The following PTPRD variants were observed in gnomAD, a reference collection of about 807,000 sequenced individuals.
The protein encoded by PTPRD is receptor-type tyrosine-protein phosphatase delta.
Under a neutral mutation model 214.5 loss-of-function variants are expected in PTPRD, and 34 were observed. The observed-to-expected ratio is 0.16, with a 90% CI of 0.12 to 0.21. The LOEUF is 0.21. PTPRD is among the 10% of genes least tolerant of loss of function. PTPRD has a pLI of 1.00. For missense variants in PTPRD, 2,545 were observed against 2,398.7 expected (o/e 1.06, Z -1.27); for synonymous variants, 1,128 against 845.7 (o/e 1.33, Z -5.79).
intron 14 of PTPRD, among the ~76,000 whole-genome samples, chr9:8,606,566 G>A (rs936354662): frequency 3.9e-5 from 6 of 152,070 alleles, no homozygotes; most frequent in African/African-American, 1.2e-4. Context: ...TTGAAGGAGG[G>A]AAACCAACCC....
intron 9 of PTPRD, among the ~76,000 whole-genome samples, chr9:9,380,171 T>A (rs927506429): frequency 2.6e-5 from 4 of 152,046 alleles, no homozygotes; most frequent in Admixed American, 2.0e-4. Flanking sequence ...ACTGAAGAAC[T>A]CTCCCTATAT....
intron 2 of PTPRD, among the ~76,000 whole-genome samples, chr9:10,491,594 C>A (rs2040259299): frequency 1.3e-5 from 2 of 151,818 alleles, no homozygotes; most frequent in East Asian, 1.9e-4. Flanking sequence ...AATATTTCCA[C>A]ATAGATGATT....
chr9:10,083,106 T>G (rs2098270593), intron 3 of PTPRD, among the ~76,000 whole-genome samples: 1 of 152,028 alleles, frequency 6.6e-6, no homozygotes, highest in African/African-American at 2.4e-5. Flanking sequence ...TCTTTATTTA[T>G]GATGATATTC....
chr9:9,712,660 A>G (rs1218671688), intron 7 of PTPRD, among the ~76,000 whole-genome samples: 3 of 152,184 alleles, frequency 2.0e-5, no homozygotes, highest in Non-Finnish European at 4.4e-5. Flanking sequence ...TTCAGAAACT[A>G]CAATGGATTA....
chr9:9,639,922 A>C (rs892686073), intron 7 of PTPRD, among the ~76,000 whole-genome samples: 2 of 152,238 alleles, frequency 1.3e-5, no homozygotes. Flanking sequence ...AGGAAAAGAA[A>C]ATACAGGCTT....
chr9:9,979,093 G>A (rs927183770), intron 4 of PTPRD, among the ~76,000 whole-genome samples: 2 of 151,924 alleles, frequency 1.3e-5, no homozygotes, highest in Non-Finnish European at 2.9e-5. Flanking sequence ...AACTAAAGCT[G>A]ATTTATTGCT....
intron 2 of PTPRD, among the ~76,000 whole-genome samples, chr9:10,550,689 G>C (rs564166706): frequency 1.3e-5 from 2 of 152,260 alleles, no homozygotes; most frequent in East Asian, 1.9e-4. Flanking sequence ...TTTAGAGAAA[G>C]CCTAAGGCAA....
intron 10 of PTPRD, among the ~76,000 whole-genome samples, chr9:9,075,384 A>C (rs1284485402): frequency 6.6e-6 from 1 of 151,978 alleles, no homozygotes; most frequent in East Asian, 1.9e-4. Flanking sequence ...CAAATACTAG[A>C]TATTATTCAT....
At chr9:9,959,331 C>T (rs920414443) in intron 4 of PTPRD, among the ~76,000 whole-genome samples, 1 of 151,964 alleles carries the variant, frequency 6.6e-6, no homozygotes, top group Non-Finnish European at 1.5e-5. Context: ...GTTTCCAGAG[C>T]CTCGAGAGGA....
At chr9:9,786,236 A>T (rs2098922631) in intron 5 of PTPRD, among the ~76,000 whole-genome samples, 1 of 95,020 alleles carries the variant, frequency 1.1e-5, no homozygotes, top group Non-Finnish European at 2.1e-5. Flanking sequence ...TTACCTGCAT[A>T]AACTAATGAA....
intron 11 of PTPRD, among the ~76,000 whole-genome samples, chr9:8,858,824 C>CACAT (rs1345789262): frequency 2.9e-5 from 4 of 140,258 alleles, no homozygotes; most frequent in African/African-American, 7.9e-5. Context: ...CACACACACA[C>CACAT]ACACATACAC....
chr9:9,824,541 A>C (rs1409255635), intron 5 of PTPRD, among the ~76,000 whole-genome samples: 7 of 152,042 alleles, frequency 4.6e-5, no homozygotes, highest in African/African-American at 1.4e-4. Flanking sequence ...TGTAAAAATT[A>C]ATACAGCAAA....
At chr9:9,696,439 T>C (rs1449020310) in intron 7 of PTPRD, among the ~76,000 whole-genome samples, 1 of 152,134 alleles carries the variant, frequency 6.6e-6, no homozygotes, top group Non-Finnish European at 1.5e-5. Context: ...AGTCTAGCTC[T>C]CCTTTTAGAT....
chr9:10,518,744 A>T (rs28586972), intron 2 of PTPRD, among the ~76,000 whole-genome samples: 1 of 151,830 alleles, frequency 6.6e-6, no homozygotes, highest in South Asian at 2.1e-4. Flanking sequence ...GTGTTAGCCA[A>T]GATGGTCTTG....
At chr9:9,854,139 A>G in intron 5 of PTPRD, among the ~76,000 whole-genome samples, 1 of 152,182 alleles carries the variant, frequency 6.6e-6, no homozygotes, top group East Asian at 1.9e-4. Flanking sequence ...CAGATCTCAT[A>G]AAATCCTCTA....
At chr9:10,312,119 T>C (rs1402104633) in intron 3 of PTPRD, among the ~76,000 whole-genome samples, 2 of 151,968 alleles carry the variant, frequency 1.3e-5, no homozygotes. Context: ...TGGAATATAG[T>C]CAGTAGTCAG....
chr9:8,593,266 G>C (rs1461027250), intron 14 of PTPRD, among the ~76,000 whole-genome samples: 1 of 152,116 alleles, frequency 6.6e-6, no homozygotes, highest in East Asian at 1.9e-4. Flanking sequence ...GGTTAAGATG[G>C]TAAAGTCAGC....
chr9:10,342,469 T>A (rs532993468), intron 2 of PTPRD, among the ~76,000 whole-genome samples: 1 of 152,102 alleles, frequency 6.6e-6, no homozygotes, highest in Non-Finnish European at 1.5e-5. Flanking sequence ...GAACGATGAC[T>A]GTTACTGAAT....
chr9:8,688,554 G>T (rs1260723633), intron 12 of PTPRD, among the ~76,000 whole-genome samples: 2 of 141,498 alleles, frequency 1.4e-5, no homozygotes, highest in Non-Finnish European at 3.0e-5. Flanking sequence ...GATAGAGCGA[G>T]ACTCTGTCTC....
Sources: allele counts gnomAD v4.1 joint callset (sites outside exome capture counted in the v4.1 genomes callset), GRCh38; gene constraint gnomAD v4.1.1; transcripts MANE v1.5; gene names NCBI Gene and HGNC (gene_info 2026-07-23, HGNC 2026-07-21).